The following FAM184B variants were observed in gnomAD, a reference collection of about 807,000 sequenced individuals.
FAM184B encodes the protein protein FAM184B.
A neutral mutation model predicts 135.9 loss-of-function variants in FAM184B; 111 were observed. The observed-to-expected ratio is 0.82, with a 90% CI of 0.70 to 0.96. The LOEUF is 0.96. FAM184B is among the 40% of genes least tolerant of loss of function. The pLI, the probability that FAM184B is intolerant of heterozygous loss-of-function variation, is 0.00. For synonymous variants in FAM184B, 552 were observed against 524.8 expected (o/e 1.05, Z -0.71); for missense variants, 1,375 against 1,323.9 (o/e 1.04, Z -0.60).
intron 14 of FAM184B, among the ~76,000 whole-genome samples, chr4:17,638,068 C>T (rs1260336750): frequency 6.6e-6 from 1 of 151,510 alleles, no homozygotes; most frequent in African/African-American, 2.4e-5. Flanking sequence ...CTTGTTTTGC[C>T]CACCCTTGCC....
chr4:17,660,347 T>C (rs915806336), intron 8 of FAM184B, among the ~76,000 whole-genome samples: 5 of 152,114 alleles, frequency 3.3e-5, no homozygotes, highest in African/African-American at 7.2e-5. Flanking sequence ...CCACCTGATA[T>C]CTGTTTTAGT....
chr4:17,769,267 T>A (rs1256037769), intron 1 of FAM184B, among the ~76,000 whole-genome samples: 2 of 152,212 alleles, frequency 1.3e-5, no homozygotes, highest in Admixed American at 1.3e-4. Context: ...TTTTTAAAAA[T>A]ATGTGTCTCC....
At chr4:17,657,716 G>A (rs573607854) in intron 10 of FAM184B, among the ~76,000 whole-genome samples, 2 of 136,286 alleles carry the variant, frequency 1.5e-5, no homozygotes, top group African/African-American at 5.4e-5. Flanking sequence ...GAATGCAATG[G>A]CATAGTCTTG....
In FAM184B at chr4:17,744,486, CACACCACA is replaced by C. The variant is rs1445885688; in HGVS notation, c.142-34850_142-34843del. Reference sequence around the variant, plus strand: ...TCACACACACACACACACACACACACACACCACACACACACACACACACACACACCTTT... The same window carrying C: ...TCACACACACACACACACACACACACCACACACACACACACACACACCTTT... On this transcript the variant is annotated intron_variant, in intron 1 of 17. Transcript: ENST00000265018. Among the ~76,000 whole-genome samples, 566 of 144,208 alleles carry C rather than the reference CACACCACA, an allele frequency of 3.9e-3. 5 individuals are homozygous for C. The highest frequency in any genetic ancestry group is 0.014 in the African/African-American group (527 of 36,692). The allele number at this position is 144,208 out of a possible 152,430, so 94.6% of individuals were successfully genotyped here.
chr4:17,709,441 C>T lies in FAM184B; in HGVS notation c.345G>A (p.Thr115=), dbSNP rs1383353541. Reference sequence around the variant, plus strand: ...AGGCCGACTCAGCCAGCGCCTCCTCCGTCAGCCTCTTTTGCAGCTCCAGGG... The same window carrying T: ...AGGCCGACTCAGCCAGCGCCTCCTCTGTCAGCCTCTTTTGCAGCTCCAGGG... ...ESALELQKRL[T]EEALAESASC... The change falls in exon 2 of 18, where the codon ACG becomes ACA. Residue 115 remains threonine, a synonymous_variant. Transcript: ENST00000265018. 6.6e-7 allele frequency: 1 copy of T among 1,521,998 alleles called. No homozygotes were observed. Among genetic ancestry groups the T allele is most frequent in the Admixed American group, 2.1e-5 (1 of 47,562 alleles). The allele number at this position is 1,521,998 out of a possible 1,614,324, so 94.3% of individuals were successfully genotyped here.
chr4:17,636,747 G>A (rs757652714), intron 14 of FAM184B, 102 bp from the exon 15 acceptor site: 3 of 984,976 alleles, frequency 3.0e-6, no homozygotes, highest in African/African-American at 1.6e-5. Flanking sequence ...TGTTCAGCCC[G>A]GCCAGGGAGG....
At chr4:17,768,150 T>A (rs978274661) in intron 1 of FAM184B, among the ~76,000 whole-genome samples, 2 of 152,260 alleles carry the variant, frequency 1.3e-5, no homozygotes, top group African/African-American at 2.4e-5. Flanking sequence ...TTTTCTTTTT[T>A]TCTGTTTTCA....
chr4:17,767,305 C>T (rs1278123977), intron 1 of FAM184B, among the ~76,000 whole-genome samples: 1 of 152,174 alleles, frequency 6.6e-6, no homozygotes, highest in African/African-American at 2.4e-5. Context: ...GAGTGGGCTC[C>T]GAGGCTGACA....
chr4:17,642,386 T>C (rs182286687), intron 12 of FAM184B, among the ~76,000 whole-genome samples, 158 bp from the exon 13 acceptor site: 72 of 152,304 alleles, frequency 4.7e-4, no homozygotes, highest in African/African-American at 1.6e-3. Flanking sequence ...GACTCCCATC[T>C]AGTCTCTTAA....
intron 8 of FAM184B, among the ~76,000 whole-genome samples, chr4:17,663,096 C>T (rs1715957316): frequency 6.6e-6 from 1 of 152,152 alleles, no homozygotes; most frequent in Admixed American, 6.5e-5. Flanking sequence ...CCACCACGCT[C>T]AGCTAATTTT....
Position 17,632,608 on chromosome 4 carries a change from G to A in FAM184B, c.3107C>T (p.Thr1036Met), listed in dbSNP as rs1046095265. ...KTATRTPDGE[T>M]AQAKEVQQKQ... ...CTGCTGGACTTCTTTGGCTTGGGCC[G>A]TTTCACCATCTGGGGTCCTAAAAGC... is the stretch of plus-strand genomic sequence containing the variant. Residue 1036 changes from threonine to methionine, a missense_variant, in exon 18 of 18, where the codon ACG (threonine) becomes ATG (methionine). Coordinates refer to ENST00000265018, the MANE Select transcript of FAM184B (RefSeq NM_015688.2). The A allele has an allele frequency of 2.1e-5, 32 of 1,550,174 alleles. No homozygotes were observed. Among genetic ancestry groups the A allele is most frequent in the South Asian group, 1.8e-4 (15 of 83,980 alleles).
chr4:17,659,723 T>C (rs1164423490), intron 9 of FAM184B, among the ~76,000 whole-genome samples: 1 of 152,118 alleles, frequency 6.6e-6, no homozygotes, highest in African/African-American at 2.4e-5. Context: ...TGACCTCAAG[T>C]GATCTGCCCC....
At position 17,762,109 on chromosome 4, in the gene FAM184B, T is replaced by A. The variant is rs188447092; in HGVS notation, c.141+19050A>T. ...AAAGCTGCCAAGAGACCTCTTTCCA[T>A]AAGAATCTTGGACAGTGTCCTCCAT... On this transcript the variant is annotated intron_variant, in intron 1 of 17. Coordinates refer to ENST00000265018, the MANE Select transcript of FAM184B (RefSeq NM_015688.2). 9.2e-4 allele frequency among the ~76,000 whole-genome samples: 140 copies of A among 152,298 alleles called. No individual in the cohort carries two copies. The Middle Eastern group carries it at 0.02, about 22-fold the overall frequency.
intron 7 of FAM184B, among the ~76,000 whole-genome samples, chr4:17,665,446 G>A (rs1016911039): frequency 6.6e-6 from 1 of 152,210 alleles, no homozygotes; most frequent in Non-Finnish European, 1.5e-5. Flanking sequence ...GTATAAGACA[G>A]GGTAGGAACA....
chr4:17,732,586 G>A lies in FAM184B; in HGVS notation c.142-22942C>T, dbSNP rs145781350. On this transcript the variant is annotated intron_variant, in intron 1 of 17. Transcript: ENST00000265018. Reference sequence around the variant, plus strand: ...CTACACAGATAAACTAGAAAATCTGGAAGAAATGGATAAATTCCTGGACAC... The same window carrying A: ...CTACACAGATAAACTAGAAAATCTGAAAGAAATGGATAAATTCCTGGACAC... Among the ~76,000 whole-genome samples the A allele has an allele frequency of 4.6e-4, 70 of 152,256 alleles. 4 individuals are homozygous for A. The East Asian group carries it at 0.013, about 29-fold the overall frequency.
intron 8 of FAM184B, among the ~76,000 whole-genome samples, chr4:17,663,615 A>AACACACACACACACACACAC (rs113627829): frequency 4.3e-4 from 64 of 150,540 alleles, no homozygotes; most frequent in African/African-American, 1.5e-3. Context: ...TCCCATTCAC[A>AACACACACACACACACACAC]ACACACACAC....
intron 1 of FAM184B, among the ~76,000 whole-genome samples, chr4:17,759,075 A>C (rs1020112677): frequency 6.6e-6 from 1 of 152,192 alleles, no homozygotes; most frequent in African/African-American, 2.4e-5. Flanking sequence ...TGAGATTCTA[A>C]AGAAGTGGAA....
intron 11 of FAM184B, among the ~76,000 whole-genome samples, 163 bp from the exon 12 acceptor site, chr4:17,647,954 G>A (rs537976429): frequency 3.9e-5 from 6 of 152,278 alleles, no homozygotes; most frequent in South Asian, 2.1e-4. Flanking sequence ...AGTAACAACA[G>A]GGCCATGTGT....
intron 1 of FAM184B, among the ~76,000 whole-genome samples, chr4:17,719,085 A>T (rs1717463625): frequency 1.3e-5 from 2 of 152,234 alleles, no homozygotes; most frequent in Admixed American, 1.3e-4. Context: ...ATAAGGCTTA[A>T]TTTATAAACT....
Sources: allele counts gnomAD v4.1 joint callset (sites outside exome capture counted in the v4.1 genomes callset), GRCh38; gene constraint gnomAD v4.1.1; transcripts MANE v1.5; gene names NCBI Gene and HGNC (gene_info 2026-07-23, HGNC 2026-07-21).